The following RAP1GAP2 variants were observed in gnomAD, a reference collection of about 807,000 sequenced individuals.
RAP1GAP2 encodes rap1 GTPase-activating protein 2.
A neutral mutation model predicts 95.0 loss-of-function variants in RAP1GAP2; 27 were observed. The ratio of observed to expected loss-of-function variants is 0.28; its 90% CI spans 0.21 to 0.39. RAP1GAP2 has a LOEUF of 0.39. Ranked by LOEUF, RAP1GAP2 falls within the 10% of genes least tolerant of loss-of-function variation. RAP1GAP2 has a pLI of 1.00. For missense variants in RAP1GAP2, 771 were observed against 970.0 expected, an observed-to-expected ratio of 0.79 and a Z score of 2.72; for synonymous variants, 373 against 380.9, an observed-to-expected ratio of 0.98 and a Z score of 0.24.
chr17:2,824,604 G>A (rs1228277509), intron 2 of RAP1GAP2, among the ~76,000 whole-genome samples: 4 of 151,412 alleles, frequency 2.6e-5, no homozygotes, highest in Non-Finnish European at 5.9e-5. Context: ...GCCGGGCATG[G>A]TGGTGCATGC....
At chr17:2,842,238 AG>A (rs2071398200) in intron 2 of RAP1GAP2, among the ~76,000 whole-genome samples, 2 of 152,138 alleles carry the variant, frequency 1.3e-5, no homozygotes, top group Non-Finnish European at 2.9e-5. Flanking sequence ...TTTTCTAAAA[AG>A]TCTTTTAAAA....
intron 2 of RAP1GAP2, among the ~76,000 whole-genome samples, chr17:2,805,512 C>T (rs184476553): frequency 1.5e-3 from 225 of 152,144 alleles, no homozygotes; most frequent in African/African-American, 2.2e-3. Context: ...TGCACCACCA[C>T]GCCCAGCTAT....
intron 16 of RAP1GAP2, among the ~76,000 whole-genome samples, chr17:3,006,619 G>A (rs1419779841): frequency 6.6e-6 from 1 of 151,196 alleles, no homozygotes; most frequent in East Asian, 2.0e-4. Flanking sequence ...ATTTTTAGTA[G>A]AGATGGGGTT....
intron 2 of RAP1GAP2, among the ~76,000 whole-genome samples, chr17:2,890,082 TC>T (rs1017900050): frequency 6.6e-6 from 1 of 151,424 alleles, no homozygotes; most frequent in Non-Finnish European, 1.5e-5. Context: ...CCAGCCCTGG[TC>T]CCTGGGAGCC....
intron 2 of RAP1GAP2, among the ~76,000 whole-genome samples, chr17:2,818,535 C>T (rs186856480): frequency 1.4e-4 from 21 of 152,076 alleles, no homozygotes; most frequent in African/African-American, 5.1e-4. Flanking sequence ...ACCATGTTGG[C>T]CAGGCTGGTC....
At chr17:2,804,502 C>G (rs564583561) in intron 2 of RAP1GAP2, among the ~76,000 whole-genome samples, 1 of 152,248 alleles carries the variant, frequency 6.6e-6, no homozygotes, top group South Asian at 2.1e-4. Context: ...GGTTCTCACA[C>G]CTGCCTCCCG....
chr17:2,796,434 C>A, upstream of RAP1GAP2: 2 of 1,411,200 alleles, frequency 1.4e-6, no homozygotes, highest in East Asian at 5.0e-5. This position sits in a 1 kb window ranked among gnomAD's most constrained non-coding sequence, Gnocchi z 4.7. Context: ...CGCCCTGCAC[C>A]GGCACTGACC....
rs71153308 is a variant in RAP1GAP2, at chr17:2,873,474, C to CAAAAAAAA, written c.81-31780_81-31773dup. Among the ~76,000 whole-genome samples, 31 of 11,422 alleles carry CAAAAAAAA rather than the reference C, an allele frequency of 2.7e-3. 11 individuals carry two copies. The highest frequency in any genetic ancestry group is 3.4e-3 in the Non-Finnish European group (23 of 6,704). The allele number at this position is 11,422 out of a possible 152,430, so 7.5% of individuals were successfully genotyped here. ...AGGGTAATAGAATGAGACCCTGTCT[C>CAAAAAAAA]AAAAAAAAAAAAAAAAAAAAAAAAA... On this transcript the variant is annotated intron_variant, in intron 2 of 24. Transcript: ENST00000254695.
chr17:2,942,909 A>T (rs1043215547), intron 3 of RAP1GAP2, among the ~76,000 whole-genome samples: 4 of 152,036 alleles, frequency 2.6e-5, no homozygotes, highest in Non-Finnish European at 4.4e-5. Flanking sequence ...CTGGGATGAC[A>T]GGCACTCACC....
intron 13 of RAP1GAP2, among the ~76,000 whole-genome samples, chr17:2,996,009 A>T (rs2045947241): frequency 6.7e-6 from 1 of 150,116 alleles, no homozygotes; most frequent in Admixed American, 6.6e-5. Context: ...TACATTTCTG[A>T]CTAGGGTTCA....
chr17:2,928,072 CAACTGATGG>C (rs147399878), intron 3 of RAP1GAP2, among the ~76,000 whole-genome samples: 132,008 of 151,624 alleles, frequency 0.87, 57,746 homozygotes, highest in Non-Finnish European at 0.91. Context: ...GATCCCCCAG[CAACTGATGG>C]AACTGATGGA....
chr17:2,889,889 A>ATATATATATATATATATATTTTTTTT (rs1408426152), intron 2 of RAP1GAP2, among the ~76,000 whole-genome samples: 1 of 57,322 alleles, frequency 1.7e-5, no homozygotes, highest in African/African-American at 7.2e-5. Flanking sequence ...ATATATATAT[A>ATATATATATATATATATATTTTTTTT]TTTTTTTTTT....
intron 1 of RAP1GAP2, among the ~76,000 whole-genome samples, chr17:2,762,030 C>T (rs2071262014): frequency 7.7e-6 from 1 of 129,992 alleles, no homozygotes; most frequent in Non-Finnish European, 1.5e-5. Context: ...GCTCTGTTGC[C>T]CATGCTGGAG....
intron 9 of RAP1GAP2, 90 bp from the exon 10 acceptor site, chr17:2,981,105 C>T: frequency 7.9e-7 from 1 of 1,266,642 alleles, no homozygotes; most frequent in Non-Finnish European, 1.1e-6. Flanking sequence ...GTGCCTCGCC[C>T]TCCCATGCCG....
chr17:2,982,283 T>C (rs6502659), intron 10 of RAP1GAP2, among the ~76,000 whole-genome samples: 64,751 of 152,062 alleles, frequency 0.43, 14,216 homozygotes, highest in African/African-American at 0.54. Flanking sequence ...GGACTACAGG[T>C]GTGCGCCACC....
At chr17:2,774,834 T>C (rs56077071), upstream of RAP1GAP2, among the ~76,000 whole-genome samples, 54 of 125,992 alleles carry the variant, frequency 4.3e-4, 1 homozygote, top group Middle Eastern at 4.8e-3. Flanking sequence ...TTTTTTTTTT[T>C]CCCCAAGATG....
At chr17:2,901,474 T>A (rs1312024386) in intron 2 of RAP1GAP2, among the ~76,000 whole-genome samples, 1 of 152,036 alleles carries the variant, frequency 6.6e-6, no homozygotes. Context: ...GTCGTTAGAG[T>A]TGCATGCGAG....
At chr17:2,852,088 C>G (rs914299017) in intron 2 of RAP1GAP2, among the ~76,000 whole-genome samples, 20 of 152,192 alleles carry the variant, frequency 1.3e-4, no homozygotes, top group African/African-American at 4.6e-4. Context: ...TGTGCTATAG[C>G]GCGGTGGGAG....
At chr17:2,844,514 G>GT (rs1217125425) in intron 2 of RAP1GAP2, among the ~76,000 whole-genome samples, 1 of 152,226 alleles carries the variant, frequency 6.6e-6, no homozygotes, top group Admixed American at 6.5e-5. Context: ...AAGCAGGCCT[G>GT]GTGGAAAGCT....
Sources: gnomAD v4.1 joint callset for allele counts (sites outside exome capture counted in the v4.1 genomes callset) on GRCh38, gnomAD v4.1.1 for gene constraint, Gnocchi (gnomAD v3.1) non-coding constraint, MANE v1.5 for transcripts, NCBI Gene and HGNC (gene_info 2026-07-23, HGNC 2026-07-21) for gene names.